The following MAGI1 variants were observed in gnomAD, a reference collection of about 807,000 sequenced individuals.
MAGI1 encodes the protein membrane-associated guanylate kinase, WW and PDZ domain-containing protein 1.
In MAGI1, 58 loss-of-function variants were observed where a neutral mutation model predicts 139.9. The ratio of observed to expected loss-of-function variants is 0.41; its 90% confidence interval spans 0.34 to 0.52. MAGI1 has a LOEUF of 0.52. MAGI1 is among the 20% of genes least tolerant of loss of function. The pLI, the probability that MAGI1 is intolerant of heterozygous loss-of-function variation, is 0.12. For missense variants in MAGI1, 1,874 were observed against 1,901.6 expected (o/e 0.99, Z 0.27); for synonymous variants, 812 against 737.9 (o/e 1.10, Z -1.63).
At chr3:65,436,956 T>C (rs1947896864) in intron 10 of MAGI1, among the ~76,000 whole-genome samples, 199 bp downstream of exon 10, 1 of 152,156 alleles carries the variant, frequency 6.6e-6, no homozygotes, top group South Asian at 2.1e-4. Context: ...TTACAAATAG[T>C]TGGAAAAAAA....
intron 1 of MAGI1, among the ~76,000 whole-genome samples, chr3:65,632,103 C>T (rs1413381011): frequency 6.6e-6 from 1 of 151,398 alleles, no homozygotes; most frequent in East Asian, 1.9e-4. Flanking sequence ...AAACTTTAAA[C>T]ATAAAATTTG....
In MAGI1 at chr3:65,787,692, A is replaced by G. The variant is rs1193096923; in HGVS notation, c.314-165604T>C. ...AGAGTAGACTGTCAGGGACAAGTTCATGGTGTTATGGGAACACAGGGGTTG... is the reference window on the plus strand; with the variant it reads ...AGAGTAGACTGTCAGGGACAAGTTCGTGGTGTTATGGGAACACAGGGGTTG... On this transcript the variant is annotated intron_variant, in intron 1 of 22. Coordinates refer to ENST00000402939, the MANE Select transcript of MAGI1 (RefSeq NM_001033057.2). Among the ~76,000 whole-genome samples, 3 of 151,962 alleles carry G rather than the reference A, an allele frequency of 2.0e-5. No homozygotes were observed. In the East Asian group the frequency reaches 5.8e-4, roughly 29 times the overall value.
At chr3:65,813,661 T>A (rs948549560) in intron 1 of MAGI1, among the ~76,000 whole-genome samples, 1 of 152,178 alleles carries the variant, frequency 6.6e-6, no homozygotes, top group Non-Finnish European at 1.5e-5. Flanking sequence ...GACCCAGCCA[T>A]TCCACTTCTA....
At chr3:65,378,750 C>T (rs1005848120) in intron 17 of MAGI1, among the ~76,000 whole-genome samples, 15 of 151,054 alleles carry the variant, frequency 9.9e-5, no homozygotes, top group Non-Finnish European at 1.6e-4. Flanking sequence ...GGCACAATCT[C>T]GGCTCACTGC....
intron 2 of MAGI1, among the ~76,000 whole-genome samples, chr3:65,509,754 C>A (rs1318594186): frequency 2.6e-5 from 4 of 152,074 alleles, no homozygotes; most frequent in African/African-American, 7.2e-5. Flanking sequence ...CCCAGGCTTG[C>A]TTAGGTAAAC....
intron 2 of MAGI1, among the ~76,000 whole-genome samples, chr3:65,596,770 C>G (rs1251728718): frequency 1.3e-5 from 2 of 152,178 alleles, no homozygotes; most frequent in Admixed American, 6.5e-5. Context: ...CAGAACCAGA[C>G]AGGGAGAAAA....
intron 1 of MAGI1, among the ~76,000 whole-genome samples, chr3:65,932,428 G>T (rs965355601): frequency 6.6e-6 from 1 of 152,174 alleles, no homozygotes; most frequent in Non-Finnish European, 1.5e-5. Context: ...CCCATAGCAG[G>T]TAACTTTGAG....
intron 1 of MAGI1, among the ~76,000 whole-genome samples, chr3:65,878,877 G>T (rs2060220657): frequency 6.6e-6 from 1 of 152,106 alleles, no homozygotes; most frequent in Non-Finnish European, 1.5e-5. Context: ...TATAGGTAGG[G>T]GAAAGAGCAG....
rs138379681 is a variant in MAGI1 at position 65,686,354 on chromosome 3, C to T, written c.314-64266G>A. 6.9e-3 allele frequency among the ~76,000 whole-genome samples: 1,046 copies of T among 152,184 alleles called. 11 individuals carry two copies. The highest frequency in any genetic ancestry group is 0.024 in the African/African-American group (1,011 of 41,520). On this transcript the variant is annotated intron_variant, in intron 1 of 22. Transcript: ENST00000402939. ...GTCACCAGGCTGGAGTGCAGTGGCACGATCTCGGCTCACTGCAACTTCCGC... is the reference window on the plus strand; with the variant it reads ...GTCACCAGGCTGGAGTGCAGTGGCATGATCTCGGCTCACTGCAACTTCCGC...
At chr3:66,029,255 T>C (rs1429683903) in intron 1 of MAGI1, among the ~76,000 whole-genome samples, 1 of 152,160 alleles carries the variant, frequency 6.6e-6, no homozygotes, top group Admixed American at 6.5e-5. Flanking sequence ...TGACACTATA[T>C]ATAGCAGTAA....
intron 13 of MAGI1, among the ~76,000 whole-genome samples, 192 bp downstream of exon 13, chr3:65,401,247 A>C (rs1350135749): frequency 6.6e-6 from 1 of 152,176 alleles, no homozygotes; most frequent in Non-Finnish European, 1.5e-5. Flanking sequence ...CTATACAGTT[A>C]AAGACAAGCC....
At chr3:65,774,753 C>A (rs2038232251) in intron 1 of MAGI1, among the ~76,000 whole-genome samples, 1 of 152,072 alleles carries the variant, frequency 6.6e-6, no homozygotes, top group Non-Finnish European at 1.5e-5. Context: ...AAGAGGAAAA[C>A]AAGAAATTCA....
intron 1 of MAGI1, among the ~76,000 whole-genome samples, chr3:65,970,269 A>G (rs2064958513): frequency 6.6e-6 from 1 of 152,220 alleles, no homozygotes; most frequent in Non-Finnish European, 1.5e-5. Flanking sequence ...GAGTCCACTT[A>G]TATGAGGTAC....
intron 1 of MAGI1, among the ~76,000 whole-genome samples, chr3:65,697,662 C>T (rs1170119829): frequency 9.3e-6 from 1 of 107,258 alleles, no homozygotes; most frequent in African/African-American, 4.6e-5. Context: ...AAGCCTTTGA[C>T]AAAATTCAAT....
chr3:65,423,365 CA>C (rs915164112), intron 12 of MAGI1, among the ~76,000 whole-genome samples: 2 of 150,696 alleles, frequency 1.3e-5, no homozygotes, highest in Non-Finnish European at 2.9e-5. Context: ...CAGAAAAACA[CA>C]CGTGCGTGCA....
At chr3:66,009,515 T>G (rs1308586726) in intron 1 of MAGI1, among the ~76,000 whole-genome samples, 5 of 151,420 alleles carry the variant, frequency 3.3e-5, no homozygotes, top group Admixed American at 1.3e-4. Flanking sequence ...TGCCTCAAAA[T>G]AAAAAAAGTA....
chr3:65,860,902 G>T lies in MAGI1; in HGVS notation c.313+177094C>A, dbSNP rs192593855. On this transcript the variant is annotated intron_variant, in intron 1 of 22. Coordinates refer to ENST00000402939, the MANE Select transcript of MAGI1 (RefSeq NM_001033057.2). ...ACTTCTAGGGTAACATAGAGAATTC[G>T]AATTCAAATTCAAATTCAAATACCA... Among the ~76,000 whole-genome samples the T allele has an allele frequency of 6.6e-5, 10 of 151,754 alleles. No individual in the cohort carries two copies. In the East Asian group the frequency reaches 1.7e-3, roughly 26 times the overall value.
At chr3:65,940,779 A>C (rs1007061774) in intron 1 of MAGI1, among the ~76,000 whole-genome samples, 1 of 152,312 alleles carries the variant, frequency 6.6e-6, no homozygotes, top group African/African-American at 2.4e-5. Context: ...AGACTGCACA[A>C]TCCAGAGGCA....
intron 1 of MAGI1, among the ~76,000 whole-genome samples, chr3:65,750,435 G>T (rs1254219473): frequency 6.6e-6 from 1 of 152,182 alleles, no homozygotes; most frequent in Non-Finnish European, 1.5e-5. Flanking sequence ...TAACAAGCTA[G>T]ATGAACTGTA....
Sources: allele counts gnomAD v4.1 joint callset (sites outside exome capture counted in the v4.1 genomes callset), GRCh38; gene constraint gnomAD v4.1.1; transcripts MANE v1.5; gene names NCBI Gene and HGNC (gene_info 2026-07-23, HGNC 2026-07-21).